Variants in PCDHA4 observed in about 807,000 individuals in gnomAD.
PCDHA4 encodes the protein protocadherin alpha 4, also known as protocadherin alpha-4.
PCDHA4 carries 49 observed loss-of-function variants against 61.4 expected under a neutral mutation model. The observed-to-expected ratio is 0.80, with a 90% CI of 0.63 to 1.01. The LOEUF (loss-of-function observed/expected upper bound fraction) is 1.01, where lower values mean the gene tolerates loss of function less well. PCDHA4 is among the 50% of genes least tolerant of loss of function. The probability of loss-of-function intolerance (pLI) is 0.00; values close to 1 mark genes in which losing one functional copy is unlikely to be tolerated. For synonymous variants in PCDHA4, 590 were observed against 550.3 expected (o/e 1.07, Z -1.01); for missense variants, 1,254 against 1,235.8 (o/e 1.01, Z -0.22).
In PCDHA4 at chr5:140,882,044, C is replaced by T. The variant is rs539916085; in HGVS notation, c.2385+72472C>T. The T allele has an allele frequency of 5.7e-6, 4 of 702,876 alleles. No individual in the cohort carries two copies. In the East Asian group the frequency reaches 1.1e-4, roughly 20 times the overall value. The allele number at this position is 702,876 out of a possible 1,614,324, so 43.5% of individuals were successfully genotyped here. Reference sequence around the variant, plus strand: ...TCAATGGAAAATATGAAGACTGAGTCATACTTACACTTACACGTTCATGCG... The same window carrying T: ...TCAATGGAAAATATGAAGACTGAGTTATACTTACACTTACACGTTCATGCG... On this transcript the variant is annotated intron_variant, in intron 1 of 3. Transcript: ENST00000530339.
At chr5:140,829,564 C>T (rs2150170116) in intron 1 of PCDHA4, 39 of 1,612,548 alleles carry the variant, frequency 2.4e-5, no homozygotes, top group Non-Finnish European at 8.5e-6. Context: ...CGCTGGTGTC[C>T]TACTCGCTGG....
chr5:140,823,218 G>A (rs2150123612), intron 1 of PCDHA4: 9 of 1,613,766 alleles, frequency 5.6e-6, no homozygotes, highest in Non-Finnish European at 7.6e-6. Context: ...CACGGGACGC[G>A]GACGCGCAGG....
rs2098420803 is a variant in PCDHA4, at chr5:141,011,492, A to G, written c.*1555A>G. 1 of 153,698 alleles carries G rather than the reference A, an allele frequency of 6.5e-6. No individual in the cohort carries two copies. Among genetic ancestry groups the G allele is most frequent in the African/African-American group, 2.4e-5 (1 of 41,432 alleles). 9.5% of individuals were successfully genotyped at this position (153,698 alleles called of 1,614,324 possible). A position where few individuals can be genotyped will look rare whatever the true frequency, so the allele number is the denominator to read the frequency against. On this transcript the variant is annotated 3_prime_UTR_variant, in exon 4 of 4. Transcript: ENST00000530339. ...AATTCCATTATATTTCCTTTTGTAC[A>G]CCTGTGAAAAAGTGGAGTAGTGTTT... is the stretch of plus-strand genomic sequence containing the variant.
chr5:140,899,259 G>C (rs2067235630), intron 1 of PCDHA4, among the ~76,000 whole-genome samples: 1 of 152,126 alleles, frequency 6.6e-6, no homozygotes, highest in African/African-American at 2.4e-5. Context: ...GGGCATCCCT[G>C]TCTTGTGGCA....
chr5:140,985,430 A>T lies in PCDHA4; in HGVS notation c.2533+2867A>T, dbSNP rs1158797076. ...GGAAATGGAGTGAGGAGGATTTATT[A>T]GTTGCTGCCTGAAGAAAAGGGAAAT... On this transcript the variant is annotated intron_variant, in intron 3 of 3. Transcript: ENST00000530339. Among the ~76,000 whole-genome samples the T allele has an allele frequency of 2.6e-5, 4 of 152,186 alleles. 1 individual carries two copies. Among genetic ancestry groups the T allele is most frequent in the Non-Finnish European group, 5.9e-5 (4 of 68,036 alleles).
At chr5:140,991,420 A>G (rs1413227137) in intron 3 of PCDHA4, among the ~76,000 whole-genome samples, 2 of 152,234 alleles carry the variant, frequency 1.3e-5, no homozygotes, top group Admixed American at 6.5e-5. Flanking sequence ...GCTATAACAA[A>G]TTAACCATAA....
intron 3 of PCDHA4, among the ~76,000 whole-genome samples, chr5:140,990,262 C>T (rs2097383201): frequency 6.6e-6 from 1 of 152,152 alleles, no homozygotes; most frequent in South Asian, 2.1e-4. Context: ...GGATACCAAA[C>T]AATGTACCCC....
At chr5:140,987,690 T>C (rs4912736) in intron 3 of PCDHA4, among the ~76,000 whole-genome samples, 37,365 of 152,116 alleles carry the variant, frequency 0.25, 5,761 homozygotes, top group East Asian at 0.43. Context: ...AGTAGCTATT[T>C]TTAAATGATT....
chr5:140,858,015 C>T lies in PCDHA4; in HGVS notation c.2385+48443C>T, dbSNP rs781847343. ...GTGCTGGTGAAGGACCATGGCGAGC[C>T]GTCGCTGACGGCCACGGCCACTGTG... On this transcript the variant is annotated intron_variant, in intron 1 of 3. Transcript: ENST00000530339. The T allele has an allele frequency of 2.6e-5, 41 of 1,596,884 alleles. 4 individuals carry two copies. Among genetic ancestry groups the T allele is most frequent in the South Asian group, 1.2e-4 (11 of 90,482 alleles).
intron 1 of PCDHA4, chr5:140,929,227 G>T (rs141300036): frequency 1.2e-6 from 2 of 1,613,774 alleles, no homozygotes; most frequent in Non-Finnish European, 1.7e-6. Context: ...CAATGCTGCC[G>T]ACCTGCGAAA....
chr5:140,884,441 G>A, intron 1 of PCDHA4: 2 of 1,613,812 alleles, frequency 1.2e-6, no homozygotes, highest in Non-Finnish European at 1.7e-6. Flanking sequence ...GCGGTGCTCG[G>A]CACCGCCCAC....
intron 1 of PCDHA4, chr5:140,877,691 T>G: frequency 6.2e-7 from 1 of 1,613,746 alleles, no homozygotes. Context: ...CCCACGCTGG[T>G]GTGCTCCAGC....
intron 1 of PCDHA4, chr5:140,843,208 C>A: frequency 6.3e-7 from 1 of 1,596,004 alleles, no homozygotes; most frequent in South Asian, 1.1e-5. Context: ...TGTACACGGG[C>A]GAGATCAGCA....
intron 1 of PCDHA4, chr5:140,882,846 C>T (rs1554175786): frequency 2.5e-6 from 4 of 1,614,188 alleles, no homozygotes; most frequent in Non-Finnish European, 3.4e-6. Context: ...TCTTCATTAT[C>T]ACTTGTACTG....
intron 1 of PCDHA4, chr5:140,860,419 T>G (rs1239021926): frequency 6.6e-6 from 1 of 152,112 alleles, no homozygotes; most frequent in African/African-American, 2.4e-5. Context: ...AACACCATTA[T>G]CCTGCAAATA....
intron 1 of PCDHA4, chr5:140,927,256 CCT>C (rs2084020732): frequency 1.2e-6 from 2 of 1,614,144 alleles, no homozygotes; most frequent in Non-Finnish European, 1.7e-6. Flanking sequence ...TGACAACTCA[CCT>C]CTCTTTCCTG....
At chr5:140,850,964 C>G (rs1554145138) in intron 1 of PCDHA4, 1 of 1,468,876 alleles carries the variant, frequency 6.8e-7, no homozygotes, top group African/African-American at 1.4e-5. Flanking sequence ...TCCCAGGGGC[C>G]GTTCAAATAG....
At chr5:140,845,025 G>A (rs1779666608) in intron 1 of PCDHA4, among the ~76,000 whole-genome samples, 1 of 149,154 alleles carries the variant, frequency 6.7e-6, no homozygotes, top group African/African-American at 2.5e-5. Flanking sequence ...TCATTTATGG[G>A]CATATTTTAG....
In PCDHA4 at chr5:140,829,870, G is replaced by T. The variant is rs2150176653; in HGVS notation, c.2385+20298G>T. 13 of 1,613,946 alleles carry T rather than the reference G, an allele frequency of 8.1e-6. No individual in the cohort carries two copies. The South Asian group carries it at 1.4e-4, about 18-fold the overall frequency. ...TGGGTGCAGGCCAAGTGGTGGCGAA[G>T]GTGCGCGCAGTTGACGCCGACTCAG... On this transcript the variant is annotated intron_variant, in intron 1 of 3. Transcript: ENST00000530339.
Sources: gnomAD v4.1 joint callset for allele counts (sites outside exome capture counted in the v4.1 genomes callset) on GRCh38, gnomAD v4.1.1 for gene constraint, MANE v1.5 for transcripts, NCBI Gene and HGNC (gene_info 2026-07-23, HGNC 2026-07-21) for gene names.